MAMLD1: variants seen among roughly 807,000 people sequenced by gnomAD.
MAMLD1 encodes the protein mastermind-like domain-containing protein 1.
In MAMLD1, 14 loss-of-function variants were observed where a neutral mutation model predicts 45.0. The ratio of observed to expected loss-of-function variants is 0.31; its 90% CI spans 0.21 to 0.49. MAMLD1 has a LOEUF of 0.49. Among genes scored for constraint, MAMLD1 ranks in the 20% least tolerant of loss-of-function variants. The pLI is 0.99. For missense variants in MAMLD1, 543 were observed against 603.6 expected (o/e 0.90, Z 1.05); for synonymous variants, 254 against 247.8 (o/e 1.02, Z -0.24).
chrX:150,425,856 G>C (rs1048687385), intron 1 of MAMLD1, among the ~76,000 whole-genome samples: 1 of 112,345 alleles, frequency 8.9e-6, no homozygotes, highest in Non-Finnish European at 1.9e-5. Context: ...TTGTTGGAGC[G>C]AGCCAGTGAA....
At chrX:150,506,137 T>C (rs1231383286) in intron 6 of MAMLD1, among the ~76,000 whole-genome samples, 1 of 111,568 alleles carries the variant, frequency 9.0e-6, no homozygotes, top group Non-Finnish European at 1.9e-5. Flanking sequence ...GCTCAACCTT[T>C]GGGACAGATA....
intron 5 of MAMLD1, among the ~76,000 whole-genome samples, chrX:150,497,924 G>A (rs1485662370): frequency 9.0e-6 from 1 of 110,964 alleles, no homozygotes; most frequent in Non-Finnish European, 1.9e-5. Flanking sequence ...TGGGCAGGTC[G>A]CTTAACCTTT....
intron 1 of MAMLD1, among the ~76,000 whole-genome samples, chrX:150,387,979 A>T (rs2033008589): frequency 8.9e-6 from 1 of 111,762 alleles, no homozygotes; most frequent in Admixed American, 9.5e-5. Flanking sequence ...AAAGATATTT[A>T]TTTATAATTG....
At position 150,478,984 on chromosome X, in the gene MAMLD1, G is replaced by A. The variant is rs2036668343; in HGVS notation, c.2040+5182G>A. Among the ~76,000 whole-genome samples, 6 of 111,586 alleles carry A rather than the reference G, an allele frequency of 5.4e-5. No individual in the cohort carries two copies. In the Admixed American group the frequency reaches 5.7e-4, roughly 11 times the overall value. Reference sequence around the variant, plus strand: ...TGTTTTGTTTTAACCTCTCTAAATTGCCAGGAAATGAAACCACATGGGCTG... The same window carrying A: ...TGTTTTGTTTTAACCTCTCTAAATTACCAGGAAATGAAACCACATGGGCTG... On this transcript the variant is annotated intron_variant, in intron 5 of 7. Coordinates refer to ENST00000370401, the MANE Select transcript of MAMLD1 (RefSeq NM_005491.5).
intron 1 of MAMLD1, among the ~76,000 whole-genome samples, chrX:150,417,902 G>A (rs1557402467): frequency 2.6e-4 from 29 of 111,036 alleles, no homozygotes; most frequent in Admixed American, 4.8e-4. Context: ...TGTAGATTCT[G>A]GATATTAGCA....
At chrX:150,488,494 C>G (rs1034830925) in intron 5 of MAMLD1, among the ~76,000 whole-genome samples, 1 of 112,834 alleles carries the variant, frequency 8.9e-6, no homozygotes. Flanking sequence ...AGTTTATCAC[C>G]ATTGCTATAA....
intron 1 of MAMLD1, among the ~76,000 whole-genome samples, chrX:150,395,350 T>C (rs929096731): frequency 2.7e-5 from 3 of 111,458 alleles, no homozygotes; most frequent in Non-Finnish European, 3.8e-5. Context: ...TCATTGAACA[T>C]TTTTCCATCT....
intron 3 of MAMLD1, among the ~76,000 whole-genome samples, chrX:150,465,282 A>C (rs782352686): frequency 8.9e-5 from 10 of 112,390 alleles, no homozygotes; most frequent in African/African-American, 2.9e-4. Flanking sequence ...TTCTCTAAGA[A>C]ATTTTTCCCC....
chrX:150,483,251 T>C (rs2036878944), intron 5 of MAMLD1, among the ~76,000 whole-genome samples: 1 of 112,391 alleles, frequency 8.9e-6, no homozygotes, highest in Non-Finnish European at 1.9e-5. Context: ...GCTCACAAGA[T>C]CTCTGGTTTC....
chrX:150,430,796 T>A (rs2034912434), intron 1 of MAMLD1, among the ~76,000 whole-genome samples: 1 of 112,224 alleles, frequency 8.9e-6, no homozygotes, highest in Non-Finnish European at 1.9e-5. Flanking sequence ...TATTTCTAGG[T>A]TCTCTGTCCA....
intron 1 of MAMLD1, among the ~76,000 whole-genome samples, chrX:150,393,199 T>C (rs1173938156): frequency 8.9e-6 from 1 of 112,039 alleles, no homozygotes; most frequent in African/African-American, 3.2e-5. Context: ...AATCATACGG[T>C]ATGTAGCCTT....
At chrX:150,454,762 C>T (rs1557405232) in intron 2 of MAMLD1, among the ~76,000 whole-genome samples, 3 of 110,708 alleles carry the variant, frequency 2.7e-5, no homozygotes, top group Non-Finnish European at 5.7e-5. Flanking sequence ...ACCACCTCCA[C>T]CACCACTACC....
At chrX:150,504,034 C>A (rs1200250436) in intron 6 of MAMLD1, 2 of 752,438 alleles carry the variant, frequency 2.7e-6, no homozygotes, top group African/African-American at 4.6e-5. Flanking sequence ...GACTCCCACA[C>A]CCTAGAGGCA....
At position 150,397,452 on chromosome X, in the gene MAMLD1, G is replaced by A. The variant is rs143114061; in HGVS notation, c.-64+33922G>A. Among the ~76,000 whole-genome samples, 172 of 111,439 alleles carry A rather than the reference G, an allele frequency of 1.5e-3. 3 individuals carry two copies. In the East Asian group the frequency reaches 0.044, roughly 28 times the overall value. On this transcript the variant is annotated intron_variant, in intron 1 of 7. Coordinates refer to ENST00000370401, the MANE Select transcript of MAMLD1 (RefSeq NM_005491.5). ...AGAGGTTTTGTACACTGCATGTCAC[G>A]TTTATTTCTAAGGATGATTTTTTTT...
intron 1 of MAMLD1, among the ~76,000 whole-genome samples, chrX:150,391,178 G>T (rs782220994): frequency 1.8e-5 from 2 of 111,796 alleles, no homozygotes; most frequent in South Asian, 7.4e-4. Context: ...AGATCCCTCA[G>T]ATTCTTTAAT....
intron 1 of MAMLD1, among the ~76,000 whole-genome samples, chrX:150,428,070 C>T (rs1305686153): frequency 9.0e-6 from 1 of 111,079 alleles, no homozygotes; most frequent in African/African-American, 3.3e-5. Flanking sequence ...CCAGTGATAA[C>T]TCTGGGGTTA....
At position 150,382,890 on chromosome X, in the gene MAMLD1, TTTTTTTTTTTA is replaced by T. The variant is rs2032705329; in HGVS notation, c.-64+19367_-64+19377del. 6.0e-5 allele frequency among the ~76,000 whole-genome samples: 2 copies of T among 33,174 alleles called. 1 individual carries two copies. The highest frequency in any genetic ancestry group is 5.5e-4 in the Admixed American group (2 of 3,656). The allele number at this position is 33,174 out of a possible 115,157, so 28.8% of individuals were successfully genotyped here. ...ATTTTGTCCCATTTTATTTTATTTT[TTTTTTTTTTTA>T]TTTTTTATTTTTTTTTTTTTTGAGA... On this transcript the variant is annotated intron_variant, in intron 1 of 7. Transcript: ENST00000370401.
chrX:150,482,939 T>A (rs2036866290), intron 5 of MAMLD1, among the ~76,000 whole-genome samples: 1 of 112,214 alleles, frequency 8.9e-6, no homozygotes, highest in African/African-American at 3.2e-5. Context: ...CTTCATTAGC[T>A]CTCTGGTATA....
intron 1 of MAMLD1, among the ~76,000 whole-genome samples, chrX:150,409,347 A>AGGCAGGCCT (rs1252659708): frequency 3.6e-5 from 4 of 111,046 alleles, no homozygotes; most frequent in African/African-American, 1.3e-4. Context: ...TGCCTGTGGC[A>AGGCAGGCCT]GGCAGGCCTG....
Sources: gnomAD v4.1 joint callset for allele counts (sites outside exome capture counted in the v4.1 genomes callset) on GRCh38, gnomAD v4.1.1 for gene constraint, MANE v1.5 for transcripts, NCBI Gene and HGNC (gene_info 2026-07-23, HGNC 2026-07-21) for gene names.